The following HEBP1 variants were observed in gnomAD, a reference collection of about 807,000 sequenced individuals.
The protein encoded by HEBP1 is heme-binding protein 1.
HEBP1 carries 13 observed loss-of-function variants against 20.4 expected under a neutral mutation model. The ratio of observed to expected loss-of-function variants is 0.64; its 90% CI spans 0.42 to 1.01. The LOEUF (loss-of-function observed/expected upper bound fraction) is 1.01. Ranked by LOEUF, HEBP1 falls within the 50% of genes least tolerant of loss-of-function variation. HEBP1 has a pLI of 0.00. For missense variants in HEBP1, 241 were observed against 247.3 expected (o/e 0.97, Z 0.17); for synonymous variants, 92 against 90.7 (o/e 1.01, Z -0.08).
intron 3 of HEBP1, chr12:12,984,260 A>G (rs933243567): frequency 6.5e-6 from 1 of 154,934 alleles, no homozygotes; most frequent in African/African-American, 2.4e-5. Flanking sequence ...CAGGTAATAA[A>G]AGAAGAAGGA....
Position 12,986,937 on chromosome 12 carries a change from G to T in HEBP1, c.398+215C>A. 1 of 525,320 alleles carries T rather than the reference G, an allele frequency of 1.9e-6. No homozygotes were observed. Among genetic ancestry groups the T allele is most frequent in the South Asian group, 2.7e-5 (1 of 37,174 alleles). 32.5% of individuals were successfully genotyped at this position (525,320 alleles called of 1,614,324 possible). ...AAGCTTAAGCTCGTCCCATCAATTT[G>T]GCAACTGGCCAAGGCATTTATTCTG... On this transcript the variant is annotated intron_variant, in intron 3 of 3. Coordinates refer to ENST00000014930, the MANE Select transcript of HEBP1 (RefSeq NM_015987.5). This position sits in a 1 kb window ranked among gnomAD's most constrained non-coding sequence, Gnocchi z 4.3.
At chr12:12,997,201 G>A (rs369563288) in intron 1 of HEBP1, among the ~76,000 whole-genome samples, 2 of 152,294 alleles carry the variant, frequency 1.3e-5, no homozygotes, top group South Asian at 4.1e-4. Context: ...ACTGAGAGAA[G>A]ATGCTTATTA....
At position 12,975,241 on chromosome 12, in the gene HEBP1, C is replaced by T; in HGVS notation, c.*67G>A. The T allele has an allele frequency of 2.0e-6, 3 of 1,483,638 alleles. No individual in the cohort carries two copies. The highest frequency in any genetic ancestry group is 2.8e-6 in the Non-Finnish European group (3 of 1,074,010). The allele number at this position is 1,483,638 out of a possible 1,614,324, so 91.9% of individuals were successfully genotyped here. A position where few individuals can be genotyped will look rare whatever the true frequency, so the allele number is the denominator to read the frequency against. The stretch of plus-strand genomic sequence containing the variant: ...AGCTGGAACTTGGGAAGCACTGTCC[C>T]CTCCTTACCCCCGAGGAAGGAGACA... On this transcript the variant is annotated 3_prime_UTR_variant, in exon 4 of 4. Transcript: ENST00000014930.
chr12:12,975,547 A>C, intron 3 of HEBP1, 68 bp from the exon 4 acceptor site: 1 of 1,377,612 alleles, frequency 7.3e-7, no homozygotes, highest in African/African-American at 1.5e-5. Flanking sequence ...GATCTTTAGA[A>C]AAAAGTCACT....
chr12:13,000,116 T>A lies in HEBP1; in HGVS notation c.-2A>T. On this transcript the variant is annotated 5_prime_UTR_variant, in exon 1 of 4. Transcript: ENST00000014930. ...CGAGTTCTTGATCATGCCCAACATG[T>A]TGTAGCCGAGACGCTCCCGACGCAC... 6.2e-7 allele frequency: 1 copy of A among 1,603,422 alleles called. No individual in the cohort carries two copies. The highest frequency in any genetic ancestry group is 1.3e-5 in the African/African-American group (1 of 74,574).
chr12:12,989,508 T>G, intron 1 of HEBP1, 93 bp from the exon 2 acceptor site: 1 of 1,218,598 alleles, frequency 8.2e-7, no homozygotes, highest in Non-Finnish European at 1.2e-6. Context: ...AAACTTTCCT[T>G]GGTGGGTATG....
At chr12:12,997,309 C>A (rs1056082164) in intron 1 of HEBP1, among the ~76,000 whole-genome samples, 1 of 152,154 alleles carries the variant, frequency 6.6e-6, no homozygotes, top group Non-Finnish European at 1.5e-5. Flanking sequence ...GTATTTAGAG[C>A]AGAAGCACTT....
Position 12,987,868 on chromosome 12 carries a change from T to G in HEBP1, c.218-536A>C, listed in dbSNP as rs1487091061. ...GCCAGGCTCGTCTTAAACTCCTACC[T>G]CAAGTGATTTGCCCATCTTGGCCTC... On this transcript the variant is annotated intron_variant, in intron 2 of 3. Coordinates refer to ENST00000014930, the MANE Select transcript of HEBP1 (RefSeq NM_015987.5). 2.0e-5 allele frequency among the ~76,000 whole-genome samples: 3 copies of G among 152,120 alleles called. No homozygotes were observed. In the East Asian group the frequency reaches 5.8e-4, roughly 29 times the overall value.
rs942559439 is a variant in HEBP1 at position 12,996,746 on chromosome 12, C to T, written c.78+3291G>A. Among the ~76,000 whole-genome samples the T allele has an allele frequency of 9.5e-4, 144 of 152,228 alleles. 1 individual carries two copies. The highest frequency in any genetic ancestry group is 3.4e-3 in the African/African-American group (140 of 41,528). On this transcript the variant is annotated intron_variant, in intron 1 of 3. Transcript: ENST00000014930. This position sits in a 1 kb window ranked among gnomAD's most constrained non-coding sequence, Gnocchi z 4.1. ...TAGAGTTGAGGAATTCAAGGGCTCA[C>T]GGGATGTTAAGTAATTTACCCAAAC...
chr12:13,000,243 C>CGGCAGGGT lies in HEBP1; in HGVS notation c.-130_-129insACCCTGCC. 2.8e-6 allele frequency: 1 copy of CGGCAGGGT among 358,850 alleles called. No individual in the cohort carries two copies. Among genetic ancestry groups the CGGCAGGGT allele is most frequent in the Non-Finnish European group, 4.9e-6 (1 of 202,160 alleles). 22.2% of individuals were successfully genotyped at this position (358,850 alleles called of 1,614,324 possible). ...GCGGCAGGGCGGCAGGGTGGCAGGG[C>CGGCAGGGT]GGCAAGGCGGCGGGACGGCGAGGCG... On this transcript the variant is annotated 5_prime_UTR_variant, in exon 1 of 4. Coordinates refer to ENST00000014930, the MANE Select transcript of HEBP1 (RefSeq NM_015987.5).
intron 3 of HEBP1, chr12:12,979,970 A>C (rs1864054402): frequency 6.6e-6 from 1 of 152,258 alleles, no homozygotes; most frequent in Admixed American, 6.5e-5. Flanking sequence ...CGTCCAAGGA[A>C]GCAAAAAATC....
chr12:12,990,116 GCACA>G (rs36210276), intron 1 of HEBP1, among the ~76,000 whole-genome samples: 258 of 149,592 alleles, frequency 1.7e-3, no homozygotes, highest in East Asian at 4.5e-3. Flanking sequence ...TACTCTCTGT[GCACA>G]CACACACACA....
chr12:12,990,116 GCACACACACA>G (rs36210276), intron 1 of HEBP1, among the ~76,000 whole-genome samples: 98,317 of 149,516 alleles, frequency 0.66, 35,987 homozygotes, highest in Non-Finnish European at 0.81. Context: ...TACTCTCTGT[GCACACACACA>G]CACACACACA....
rs888680886 is a variant in HEBP1, at chr12:12,998,125, C to T, written c.78+1912G>A. Among the ~76,000 whole-genome samples the T allele has an allele frequency of 1.4e-5, 1 of 71,326 alleles. No individual in the cohort carries two copies. The highest frequency in any genetic ancestry group is 4.0e-5 in the African/African-American group (1 of 25,170). 46.8% of individuals were successfully genotyped at this position (71,326 alleles called of 152,430 possible). On this transcript the variant is annotated intron_variant, in intron 1 of 3. Transcript: ENST00000014930. This position sits in a 1 kb window ranked among gnomAD's most constrained non-coding sequence, Gnocchi z 4.2. ...AAATCACAGCCTCACTCCTAATACTCCCTATTCCTCACTCCCCTGCTTGCT... is the reference window on the plus strand; with the variant it reads ...AAATCACAGCCTCACTCCTAATACTTCCTATTCCTCACTCCCCTGCTTGCT...
At chr12:12,975,869 C>T (rs749923731) in intron 3 of HEBP1, among the ~76,000 whole-genome samples, 8 of 151,950 alleles carry the variant, frequency 5.3e-5, no homozygotes, top group Non-Finnish European at 7.4e-5. Flanking sequence ...CTCTACTGCC[C>T]GGCTGTACCT....
chr12:12,997,980 G>A (rs1397282436), intron 1 of HEBP1, among the ~76,000 whole-genome samples: 1 of 152,156 alleles, frequency 6.6e-6, no homozygotes, highest in African/African-American at 2.4e-5. Flanking sequence ...CGGATAGACA[G>A]CTCTCTGTGT....
At chr12:12,976,770 G>T (rs1863994918) in intron 3 of HEBP1, among the ~76,000 whole-genome samples, 1 of 152,226 alleles carries the variant, frequency 6.6e-6, no homozygotes, top group South Asian at 2.1e-4. Flanking sequence ...ATATTGAAGA[G>T]ATTATAAGGG....
chr12:12,985,084 G>A (rs1864135684), intron 3 of HEBP1, among the ~76,000 whole-genome samples: 1 of 151,526 alleles, frequency 6.6e-6, no homozygotes, highest in Admixed American at 6.6e-5. Flanking sequence ...GGCAGCAGAG[G>A]TTGCAGTGAG....
intron 3 of HEBP1, 130 bp from the exon 4 acceptor site, chr12:12,975,609 T>C (rs1232153449): frequency 1.5e-6 from 1 of 687,194 alleles, no homozygotes; most frequent in African/African-American, 1.9e-5. Flanking sequence ...GGGGACTGAG[T>C]CACCACTTCC....
Sources: allele counts gnomAD v4.1 joint callset (sites outside exome capture counted in the v4.1 genomes callset), GRCh38; gene constraint gnomAD v4.1.1; non-coding constraint Gnocchi (gnomAD v3.1); transcripts MANE v1.5; gene names NCBI Gene and HGNC (gene_info 2026-07-23, HGNC 2026-07-21).